Variants in PVT1 observed in about 807,000 individuals in gnomAD.
PVT1 encodes Pvt1 oncogene, also known as CXCR4/PVT1 fusion.
At position 127,831,021 on chromosome 8, in the gene PVT1, T is replaced by C. The variant is rs139545214; in HGVS notation, n.372+34950T>C. Among the ~76,000 whole-genome samples the C allele has an allele frequency of 2.9e-3, 445 of 151,104 alleles. 2 individuals are homozygous for C. The highest frequency in any genetic ancestry group is 0.01 in the African/African-American group (424 of 41,230). ...TGTGATCGTATAAGTTAATATTTAA[T>C]AAACTCCTCTTTATATACATACGTG... On this transcript the variant is annotated intron_variant and non_coding_transcript_variant, in intron 2 of 10. Coordinates refer to ENST00000651587, the Ensembl canonical transcript of PVT1.
intron 3 of PVT1, among the ~76,000 whole-genome samples, chr8:127,981,838 C>T (rs184176869): frequency 6.6e-6 from 1 of 152,326 alleles, no homozygotes; most frequent in East Asian, 1.9e-4. Flanking sequence ...CACATATTAT[C>T]TTCTTCAGTC....
At chr8:127,875,307 T>C (rs1815393350) in intron 2 of PVT1, among the ~76,000 whole-genome samples, 1 of 151,842 alleles carries the variant, frequency 6.6e-6, no homozygotes, top group Admixed American at 6.6e-5. Flanking sequence ...GAGAGGTGTG[T>C]GTCCTCTCTG....
At chr8:127,909,552 C>T (rs1815866259) in intron 3 of PVT1, among the ~76,000 whole-genome samples, 1 of 152,110 alleles carries the variant, frequency 6.6e-6, no homozygotes, top group Non-Finnish European at 1.5e-5. Context: ...TAGTGCACAC[C>T]GAATGTTTGG....
chr8:128,029,945 T>TA (rs947017016), intron 4 of PVT1, among the ~76,000 whole-genome samples: 5 of 152,168 alleles, frequency 3.3e-5, no homozygotes, highest in African/African-American at 1.2e-4. Flanking sequence ...CTTGTCTTTA[T>TA]AAAAATTTTT....
intron 3 of PVT1, among the ~76,000 whole-genome samples, chr8:127,941,485 G>A (rs190884645): frequency 2.4e-4 from 36 of 152,272 alleles, no homozygotes; most frequent in Admixed American, 6.5e-4. Flanking sequence ...CACGTAAAGC[G>A]CTTAAAATAT....
chr8:127,856,241 G>C lies in PVT1; in HGVS notation n.373-34348G>C, dbSNP rs1311746854. Among the ~76,000 whole-genome samples the C allele has an allele frequency of 2.6e-5, 4 of 152,060 alleles. No homozygotes were observed. In the East Asian group the frequency reaches 7.7e-4, roughly 29 times the overall value. ...GTGATGTGTAGGGCTTAGGGGGTAT[G>C]CTGGGGTGGCTGGGAAAGGTGGTTG... On this transcript the variant is annotated intron_variant and non_coding_transcript_variant, in intron 2 of 10. Transcript: ENST00000651587.
At chr8:127,864,322 G>A (rs1255626536) in intron 2 of PVT1, among the ~76,000 whole-genome samples, 1 of 152,178 alleles carries the variant, frequency 6.6e-6, no homozygotes, top group Non-Finnish European at 1.5e-5. Context: ...CCCGCTGCAT[G>A]AGTCTGGGCA....
chr8:127,949,476 T>C (rs1816476886), intron 3 of PVT1, among the ~76,000 whole-genome samples: 1 of 150,104 alleles, frequency 6.7e-6, no homozygotes, highest in Non-Finnish European at 1.5e-5. Context: ...TTTTCTTCCC[T>C]CCTGTTTTTG....
chr8:127,854,783 G>A (rs1037717637), intron 2 of PVT1: 4 of 167,310 alleles, frequency 2.4e-5, no homozygotes, highest in Non-Finnish European at 5.1e-5. Flanking sequence ...CATCTCCTGC[G>A]TCTTCGTATT....
chr8:127,896,086 A>G (rs944711410), intron 3 of PVT1, among the ~76,000 whole-genome samples: 12 of 152,384 alleles, frequency 7.9e-5, no homozygotes, highest in Admixed American at 2.6e-4. Context: ...AGACTTGTTA[A>G]GCAGTATATG....
intron 3 of PVT1, chr8:127,948,232 G>C (rs1332213410): frequency 2.8e-5 from 9 of 321,454 alleles, no homozygotes; most frequent in Non-Finnish European, 1.8e-5. Context: ...TTGAAAAGCA[G>C]CTGCTGAGTG....
At chr8:128,024,279 CA>C (rs911927386) in intron 4 of PVT1, among the ~76,000 whole-genome samples, 1 of 152,142 alleles carries the variant, frequency 6.6e-6, no homozygotes, top group African/African-American at 2.4e-5. Context: ...ATTGAGATCT[CA>C]TGGGCCAGTG....
At chr8:127,951,123 CTT>C (rs890810698) in intron 3 of PVT1, among the ~76,000 whole-genome samples, 3 of 152,176 alleles carry the variant, frequency 2.0e-5, no homozygotes, top group African/African-American at 7.2e-5. Flanking sequence ...GTCTCGAACT[CTT>C]GACCTCATGA....
chr8:127,835,358 A>C (rs1196071568), intron 2 of PVT1, among the ~76,000 whole-genome samples: 2 of 151,458 alleles, frequency 1.3e-5, no homozygotes, highest in Non-Finnish European at 2.9e-5. Flanking sequence ...GAAAAACCAA[A>C]CACAGCATGT....
rs1262904333 is a variant in PVT1, at chr8:128,007,879, C to A, written n.912+18588C>A. 4.6e-5 allele frequency among the ~76,000 whole-genome samples: 7 copies of A among 152,348 alleles called. No individual in the cohort carries two copies. The East Asian group carries it at 1.2e-3, about 25-fold the overall frequency. ...AATTTTCACTCCACAAACCACTGTC[C>A]TACATCTGATCCTTAACAAAGTATG... On this transcript the variant is annotated intron_variant and non_coding_transcript_variant, in intron 4 of 10. Coordinates refer to ENST00000651587, the Ensembl canonical transcript of PVT1.
intron 4 of PVT1, among the ~76,000 whole-genome samples, chr8:128,030,817 T>G (rs1213720920): frequency 6.6e-6 from 1 of 152,170 alleles, no homozygotes; most frequent in Non-Finnish European, 1.5e-5. Context: ...CCACATGGCC[T>G]CCTCACTAGC....
At chr8:128,040,810 GTTGT>G (rs1359592434) in intron 4 of PVT1, among the ~76,000 whole-genome samples, 1 of 151,702 alleles carries the variant, frequency 6.6e-6, no homozygotes, top group African/African-American at 2.4e-5. Context: ...GCTTCTGTGT[GTTGT>G]TTGTGCTTGT....
intron 2 of PVT1, chr8:127,852,005 C>G (rs1404143051): frequency 2.6e-5 from 4 of 152,248 alleles, no homozygotes; most frequent in Non-Finnish European, 4.4e-5. Flanking sequence ...TCAGCCAGCA[C>G]TTTACAAGGG....
chr8:127,850,308 G>T (rs1296341297), intron 2 of PVT1, among the ~76,000 whole-genome samples: 4 of 152,136 alleles, frequency 2.6e-5, no homozygotes, highest in Non-Finnish European at 5.9e-5. Flanking sequence ...GCCTGGAAAA[G>T]GAACCTTTAT....
Sources: allele counts gnomAD v4.1 joint callset (sites outside exome capture counted in the v4.1 genomes callset), GRCh38; gene constraint gnomAD v4.1.1; transcripts MANE v1.5; gene names NCBI Gene and HGNC (gene_info 2026-07-23, HGNC 2026-07-21).